The following CYP2F1 variants were observed in gnomAD, a reference collection of about 807,000 sequenced individuals.
CYP2F1 encodes cytochrome P450 2F1.
In CYP2F1, 33 loss-of-function variants were observed where a neutral mutation model predicts 40.4. The ratio of observed to expected loss-of-function variants is 0.82; its 90% confidence interval spans 0.62 to 1.09. The LOEUF (loss-of-function observed/expected upper bound fraction) is 1.09, where lower values mean the gene tolerates loss of function less well. CYP2F1 is among the 50% of genes least tolerant of loss of function. The pLI is 0.00. For synonymous variants in CYP2F1, 235 were observed against 277.2 expected, an observed-to-expected ratio of 0.85 and a Z score of 1.51; for missense variants, 566 against 655.7, an observed-to-expected ratio of 0.86 and a Z score of 1.49.
intron 8 of CYP2F1, 24 bp downstream of exon 8, chr19:41,124,930 A>G: frequency 6.3e-7 from 1 of 1,578,056 alleles, no homozygotes; most frequent in Non-Finnish European, 8.6e-7. Context: ...GGCAAACGAC[A>G]TCAGGCAACC....
chr19:41,116,543 C>A lies in CYP2F1; in HGVS notation c.260C>A (p.Ala87Asp), dbSNP rs1410094236. Reference protein sequence around the residue: ...VLSGYQAVKEALVDQGEEFSG... With the variant: ...VLSGYQAVKEDLVDQGEEFSG... ...AGCGGGTACCAAGCTGTGAAGGAGG[C>A]CCTGGTGGACCAGGGAGAGGAGTTT... Residue 87 changes from alanine to aspartate, a missense_variant, in exon 3 of 10, where the codon GCC becomes GAC. Ala to Asp is a moderately radical substitution (Grantham distance 126). Coordinates refer to ENST00000331105, the MANE Select transcript of CYP2F1 (RefSeq NM_000774.5). 1 of 1,613,902 alleles carries A rather than the reference C, an allele frequency of 6.2e-7. No homozygotes were observed. The highest frequency in any genetic ancestry group is 8.5e-7 in the Non-Finnish European group (1 of 1,179,996).
intron 6 of CYP2F1, 51 bp from the exon 7 acceptor site, chr19:41,122,771 G>A (rs760209080): frequency 1.3e-6 from 2 of 1,511,492 alleles, no homozygotes; most frequent in Non-Finnish European, 1.8e-6. Flanking sequence ...CTGGTCTAGA[G>A]TGAAGGGGCC....
intron 3 of CYP2F1, among the ~76,000 whole-genome samples, chr19:41,116,867 A>G (rs1245116596): frequency 6.6e-6 from 1 of 151,848 alleles, no homozygotes; most frequent in African/African-American, 2.4e-5. Context: ...CCCCAACCCC[A>G]TTGTCATCCC....
intron 7 of CYP2F1, among the ~76,000 whole-genome samples, chr19:41,124,252 C>CG (rs1213834820): frequency 4.9e-5 from 5 of 102,134 alleles, no homozygotes; most frequent in African/African-American, 1.2e-4. Flanking sequence ...TCTTCCCCCC[C>CG]CCCTTTTTTT....
chr19:41,116,697 A>G, intron 3 of CYP2F1, 80 bp downstream of exon 3: 2 of 1,491,130 alleles, frequency 1.3e-6, no homozygotes, highest in South Asian at 1.2e-5. Context: ...CTGTTGTCTC[A>G]ATCTTGTTGA....
At position 41,116,622 on chromosome 19, in the gene CYP2F1, G is replaced by T; in HGVS notation, c.334+5G>T. On this transcript the variant is annotated splice_donor_5th_base_variant and intron_variant, in intron 3 of 9. Coordinates refer to ENST00000331105, the MANE Select transcript of CYP2F1 (RefSeq NM_000774.5). ...TCAACTTTACCAAGGGCAATGGTAA[G>T]CCTCGTCCTTGTCTCCTCCGCTCTC... The T allele has an allele frequency of 6.2e-7, 1 of 1,613,700 alleles. No homozygotes were observed. The highest frequency in any genetic ancestry group is 8.5e-7 in the Non-Finnish European group (1 of 1,179,850).
intron 3 of CYP2F1, 67 bp from the exon 4 acceptor site, chr19:41,120,280 G>T: frequency 6.9e-7 from 1 of 1,458,230 alleles, no homozygotes; most frequent in Non-Finnish European, 9.2e-7. Flanking sequence ...ACCATGAAAG[G>T]GGACCTGGGT....
At chr19:41,125,063 C>A in intron 8 of CYP2F1, 157 bp downstream of exon 8, 1 of 652,918 alleles carries the variant, frequency 1.5e-6, no homozygotes, top group Non-Finnish European at 2.5e-6. Context: ...ACCCTTAAAT[C>A]CAGAAGCTCA....
At position 41,125,132 on chromosome 19, in the gene CYP2F1, A is replaced by G. The variant is rs1007941168; in HGVS notation, c.1152+226A>G. Reference sequence around the variant, plus strand: ...GGACTAGACCCCTTCACCATGACAAATCCCCTTCCTAGAACCCCTCCCTGG... The same window carrying G: ...GGACTAGACCCCTTCACCATGACAAGTCCCCTTCCTAGAACCCCTCCCTGG... On this transcript the variant is annotated intron_variant, in intron 8 of 9. Transcript: ENST00000331105. 1.8e-5 allele frequency: 10 copies of G among 564,130 alleles called. No individual in the cohort carries two copies. The African/African-American group carries it at 1.9e-4, about 11-fold the overall frequency. The allele number at this position is 564,130 out of a possible 1,614,324, so 34.9% of individuals were successfully genotyped here.
At position 41,116,623 on chromosome 19, in the gene CYP2F1, C is replaced by T; in HGVS notation, c.334+6C>T. On this transcript the variant is annotated splice_donor_region_variant and intron_variant, in intron 3 of 9. Coordinates refer to ENST00000331105, the MANE Select transcript of CYP2F1 (RefSeq NM_000774.5). ...CAACTTTACCAAGGGCAATGGTAAG[C>T]CTCGTCCTTGTCTCCTCCGCTCTCG... 1 of 1,613,608 alleles carries T rather than the reference C, an allele frequency of 6.2e-7. No homozygotes were observed. Among genetic ancestry groups the T allele is most frequent in the Non-Finnish European group, 8.5e-7 (1 of 1,179,830 alleles).
intron 1 of CYP2F1, among the ~76,000 whole-genome samples, chr19:41,114,861 C>A (rs563734637): frequency 4.1e-5 from 6 of 147,594 alleles, no homozygotes; most frequent in Non-Finnish European, 7.4e-5. Flanking sequence ...CCTCCACCTC[C>A]TGGGTTCAAG....
At chr19:41,122,998 C>T in intron 7 of CYP2F1, 35 bp downstream of exon 7, 1 of 1,593,650 alleles carries the variant, frequency 6.3e-7, no homozygotes, top group East Asian at 2.3e-5. Flanking sequence ...TGGAGGTGCC[C>T]ATGTGTTCCA....
In CYP2F1 at chr19:41,128,203, TGCTGTGCCTGCC is replaced by T. The variant is rs2032623036; in HGVS notation, c.*124_*135del. On this transcript the variant is annotated 3_prime_UTR_variant, in exon 10 of 10. Transcript: ENST00000331105. ...TGGCAGTCACGCTGTCTTCCCTGCATGCTGTGCCTGCCGCGTGCCCTTCCCCCATCCCTCCAA... is the reference window on the plus strand; with the variant it reads ...TGGCAGTCACGCTGTCTTCCCTGCATGCGTGCCCTTCCCCCATCCCTCCAA... 4.2e-6 allele frequency: 4 copies of T among 944,276 alleles called. No homozygotes were observed. In the East Asian group the frequency reaches 1.2e-4, roughly 28 times the overall value. 58.5% of individuals were successfully genotyped at this position (944,276 alleles called of 1,614,324 possible).
At chr19:41,116,426 C>A in intron 2 of CYP2F1, 29 bp from the exon 3 acceptor site, 1 of 1,607,718 alleles carries the variant, frequency 6.2e-7, no homozygotes. Context: ...CCACAGGCCC[C>A]CCTGTAACTT....
At chr19:41,126,837 T>C (rs1258975219) in intron 9 of CYP2F1, among the ~76,000 whole-genome samples, 1 of 152,108 alleles carries the variant, frequency 6.6e-6, no homozygotes, top group African/African-American at 2.4e-5. Flanking sequence ...GAGTGGTCAT[T>C]GTTTACCTCT....
Position 41,120,378 on chromosome 19 carries a change from G to A in CYP2F1, c.366G>A (p.Lys122=), listed in dbSNP as rs140372225. The A allele has an allele frequency of 2.9e-5, 46 of 1,609,974 alleles. No individual in the cohort carries two copies. The highest frequency in any genetic ancestry group is 3.6e-5 in the Non-Finnish European group (42 of 1,178,660). The change falls in exon 4 of 10, where the codon AAG becomes AAA. Residue 122 remains lysine (K), a synonymous_variant. Coordinates refer to ENST00000331105, the MANE Select transcript of CYP2F1 (RefSeq NM_000774.5). ...GIAFSSGDRW[K]VLRQFSIQIL... is the part of the protein sequence containing the mutation. ...CCTTCTCCAGTGGGGATCGATGGAA[G>A]GTCCTGAGACAGTTCTCTATCCAGA...
chr19:41,118,051 T>C lies in CYP2F1; in HGVS notation c.334+1434T>C, dbSNP rs941089957. On this transcript the variant is annotated intron_variant, in intron 3 of 9. Transcript: ENST00000331105. ...TTTTAGTAGAGACTGGGTTTCACCA[T>C]GTTGGCCAGGCTGGTCTTGAATGCC... Among the ~76,000 whole-genome samples, 11 of 152,226 alleles carry C rather than the reference T, an allele frequency of 7.2e-5. 1 individual carries two copies. The highest frequency in any genetic ancestry group is 7.2e-4 in the Admixed American group (11 of 15,286).
chr19:41,128,163 C>G lies in CYP2F1; in HGVS notation c.*81C>G, dbSNP rs1253528495. The G allele has an allele frequency of 3.9e-5, 54 of 1,381,426 alleles. No individual in the cohort carries two copies. Among genetic ancestry groups the G allele is most frequent in the Non-Finnish European group, 3.4e-5 (35 of 1,024,562 alleles). 85.6% of individuals were successfully genotyped at this position (1,381,426 alleles called of 1,614,324 possible). ...CTACGTCCCCTTCTTGGTCCACAGTCTGCCCTCATCCCTCTGGCAGTCACG... is the reference window on the plus strand; with the variant it reads ...CTACGTCCCCTTCTTGGTCCACAGTGTGCCCTCATCCCTCTGGCAGTCACG... On this transcript the variant is annotated 3_prime_UTR_variant, in exon 10 of 10. Transcript: ENST00000331105.
At chr19:41,119,717 CTCTCTCTATATA>C (rs1411718309) in intron 3 of CYP2F1, among the ~76,000 whole-genome samples, 12 of 39,160 alleles carry the variant, frequency 3.1e-4, no homozygotes, top group South Asian at 1.3e-3. Flanking sequence ...CTCTCTCTCT[CTCTCTCTATATA>C]TATATATATA....
Sources: allele counts gnomAD v4.1 joint callset (sites outside exome capture counted in the v4.1 genomes callset), GRCh38; gene constraint gnomAD v4.1.1; transcripts MANE v1.5; gene names NCBI Gene and HGNC (gene_info 2026-07-23, HGNC 2026-07-21).